Variants in PTCHD4 observed in about 807,000 individuals in gnomAD.
PTCHD4 encodes the protein patched domain containing 4.
A neutral mutation model predicts 58.1 loss-of-function variants in PTCHD4; 33 were observed. The ratio of observed to expected loss-of-function variants is 0.57; its 90% CI spans 0.43 to 0.76. PTCHD4 has a LOEUF of 0.76. PTCHD4 is among the 30% of genes least tolerant of loss of function. The probability of loss-of-function intolerance (pLI) is 0.00; values close to 1 mark genes in which losing one functional copy is unlikely to be tolerated. For missense variants in PTCHD4, 1,058 were observed against 1,027.1 expected, an observed-to-expected ratio of 1.03 and a Z score of -0.41; for synonymous variants, 478 against 409.6, an observed-to-expected ratio of 1.17 and a Z score of -2.02.
At chr6:47,960,961 T>C in intron 4 of PTCHD4, among the ~76,000 whole-genome samples, 1 of 147,392 alleles carries the variant, frequency 6.8e-6, no homozygotes. Flanking sequence ...CCTTTTTTTT[T>C]TAAAAAAAAA....
intron 4 of PTCHD4, among the ~76,000 whole-genome samples, chr6:47,891,907 A>T (rs1396701772): frequency 6.6e-6 from 1 of 152,216 alleles, no homozygotes; most frequent in Non-Finnish European, 1.5e-5. Context: ...TTGCTGATTT[A>T]TAAGTAAGTT....
In PTCHD4 at chr6:47,886,591, G is replaced by A. The variant is rs559165116; in HGVS notation, c.899-6655C>T. 5.7e-4 allele frequency among the ~76,000 whole-genome samples: 87 copies of A among 152,120 alleles called. 2 individuals are homozygous for A. The highest frequency in any genetic ancestry group is 2.0e-3 in the African/African-American group (81 of 41,496). ...CTACACTTTCAATAATTGTGTTTGT[G>A]AAAATCACCCCCGATCGTGACATCC... is the stretch of plus-strand genomic sequence containing the variant. On this transcript the variant is annotated intron_variant, in intron 4 of 4. Coordinates refer to ENST00000339488, the MANE Select transcript of PTCHD4 (RefSeq NM_001384253.1).
intron 3 of PTCHD4, among the ~76,000 whole-genome samples, chr6:48,054,739 A>G (rs2114177080): frequency 6.6e-6 from 1 of 152,318 alleles, no homozygotes. Context: ...GATAAAAAAT[A>G]ACATGCACCC....
intron 4 of PTCHD4, among the ~76,000 whole-genome samples, chr6:47,884,371 T>C (rs920540361): frequency 6.6e-6 from 1 of 152,220 alleles, no homozygotes; most frequent in African/African-American, 2.4e-5. Flanking sequence ...TCTGCTCTCT[T>C]GAAAGAAGCC....
chr6:48,104,304 C>G (rs1765671679), intron 1 of PTCHD4, among the ~76,000 whole-genome samples: 1 of 152,158 alleles, frequency 6.6e-6, no homozygotes, highest in Non-Finnish European at 1.5e-5. Context: ...ATTCAACATT[C>G]TTAAAGAAAA....
Position 48,062,966 on chromosome 6 carries a change from A to G in PTCHD4, c.417+5264T>C, listed in dbSNP as rs369087203. Among the ~76,000 whole-genome samples the G allele has an allele frequency of 1.5e-3, 232 of 152,290 alleles. 4 individuals are homozygous for G. In the South Asian group the frequency reaches 0.044, roughly 29 times the overall value. ...TGACGAGACTTGCCTAATGTCACAC[A>G]ATTGATCCTTAAAGAACTGAGAGTT... On this transcript the variant is annotated intron_variant, in intron 3 of 4. Coordinates refer to ENST00000339488, the MANE Select transcript of PTCHD4 (RefSeq NM_001384253.1).
intron 3 of PTCHD4, among the ~76,000 whole-genome samples, chr6:48,064,721 T>A (rs2113873775): frequency 6.6e-6 from 1 of 152,208 alleles, no homozygotes; most frequent in Non-Finnish European, 1.5e-5. Flanking sequence ...AGTTAATGAC[T>A]ATTTGTTGTG....
intron 4 of PTCHD4, among the ~76,000 whole-genome samples, chr6:47,954,680 T>C (rs1407578179): frequency 6.6e-6 from 1 of 152,160 alleles, no homozygotes; most frequent in African/African-American, 2.4e-5. Flanking sequence ...GTAAAACTGT[T>C]GTAGTATTAG....
intron 1 of PTCHD4, among the ~76,000 whole-genome samples, chr6:48,092,747 C>T (rs1765392494): frequency 6.6e-6 from 1 of 152,140 alleles, no homozygotes. Flanking sequence ...ATACACTGTG[C>T]AAGCAGATAC....
At chr6:48,037,016 T>C (rs985813472) in intron 3 of PTCHD4, among the ~76,000 whole-genome samples, 13 of 152,080 alleles carry the variant, frequency 8.5e-5, no homozygotes, top group Non-Finnish European at 1.5e-4. Context: ...CACCAAGCCA[T>C]TTACTGCAAG....
At position 48,068,873 on chromosome 6, in the gene PTCHD4, G is replaced by C. The variant is rs1014350031; in HGVS notation, c.5+80C>G. ...CGGGCAAATACCGACAGCGCGCGTGGGGGCGGGCGGCGGGCGCCGCGGGGC... is the reference window on the plus strand; with the variant it reads ...CGGGCAAATACCGACAGCGCGCGTGCGGGCGGGCGGCGGGCGCCGCGGGGC... On this transcript the variant is annotated intron_variant, in intron 2 of 4. Transcript: ENST00000339488. The surrounding 1 kb of genome is among the most constrained non-coding windows in gnomAD (Gnocchi z 4.2). Among the ~76,000 whole-genome samples the C allele has an allele frequency of 6.6e-6, 1 of 151,708 alleles. No homozygotes were observed. Among genetic ancestry groups the C allele is most frequent in the Non-Finnish European group, 1.5e-5 (1 of 67,896 alleles).
chr6:48,068,303 G>T lies in PTCHD4; in HGVS notation c.344C>A (p.Ser115Tyr). 1 of 1,612,748 alleles carries T rather than the reference G, an allele frequency of 6.2e-7. No homozygotes were observed. The highest frequency in any genetic ancestry group is 8.5e-7 in the Non-Finnish European group (1 of 1,178,908). ...GAGCAAAATATTGTCCCCGGTTGGG[G>T]AGAGGAGGATCACCCTGCCATACCT... is the stretch of plus-strand genomic sequence containing the variant. ...PGRYGRVILL[S>Y]PTGDNILLQA... is the part of the protein sequence containing the mutation. The change falls in exon 3 of 5, where the codon TCC becomes TAC. Residue 115 changes from serine to tyrosine, a missense_variant. Coordinates refer to ENST00000339488, the MANE Select transcript of PTCHD4 (RefSeq NM_001384253.1). This position sits in a 1 kb window ranked among gnomAD's most constrained non-coding sequence, Gnocchi z 4.2.
At position 47,875,931 on chromosome 6, in the gene PTCHD4, G is replaced by A. The variant is rs368348152; in HGVS notation, c.*2372C>T. Among the ~76,000 whole-genome samples the A allele has an allele frequency of 1.3e-5, 2 of 151,678 alleles. No individual in the cohort carries two copies. The highest frequency in any genetic ancestry group is 4.8e-5 in the African/African-American group (2 of 41,318). Reference sequence around the variant, plus strand: ...AATGAGTGGAGCATGGCACACAATGGGAAGAAAAGGAGTGATAGTTAATTA... The same window carrying A: ...AATGAGTGGAGCATGGCACACAATGAGAAGAAAAGGAGTGATAGTTAATTA... On this transcript the variant is annotated 3_prime_UTR_variant, in exon 5 of 5. Coordinates refer to ENST00000339488, the MANE Select transcript of PTCHD4 (RefSeq NM_001384253.1).
At chr6:48,003,532 G>A (rs1477258975) in intron 4 of PTCHD4, among the ~76,000 whole-genome samples, 1 of 151,918 alleles carries the variant, frequency 6.6e-6, no homozygotes, top group Non-Finnish European at 1.5e-5. Flanking sequence ...CTGCTCCCAC[G>A]CTATTTCACA....
intron 3 of PTCHD4, among the ~76,000 whole-genome samples, chr6:48,015,336 T>C (rs551204264): frequency 6.6e-6 from 1 of 152,066 alleles, no homozygotes; most frequent in East Asian, 1.9e-4. Flanking sequence ...TCCCTACACC[T>C]AAAACCCTCC....
At chr6:47,982,631 G>A (rs1767926367) in intron 4 of PTCHD4, among the ~76,000 whole-genome samples, 1 of 152,118 alleles carries the variant, frequency 6.6e-6, no homozygotes, top group South Asian at 2.1e-4. Context: ...TGGGACTACA[G>A]GCGCCCGCCA....
chr6:48,100,697 C>T (rs1200388129), intron 1 of PTCHD4, among the ~76,000 whole-genome samples: 2 of 152,196 alleles, frequency 1.3e-5, no homozygotes, highest in Non-Finnish European at 2.9e-5. Context: ...TACTCTGATG[C>T]TATTTAAGCC....
At position 47,912,008 on chromosome 6, in the gene PTCHD4, G is replaced by A. The variant is rs1765086339; in HGVS notation, c.899-32072C>T. On this transcript the variant is annotated intron_variant, in intron 4 of 4. Coordinates refer to ENST00000339488, the MANE Select transcript of PTCHD4 (RefSeq NM_001384253.1). ...ATAATTGGAAGAATGTGGCAACAAG[G>A]AGTCAAGTGACACAAGTGTTTCAAG... 2.0e-5 allele frequency among the ~76,000 whole-genome samples: 3 copies of A among 152,086 alleles called. No homozygotes were observed. The South Asian group carries it at 6.2e-4, about 32-fold the overall frequency.
chr6:48,107,330 G>T (rs1454631835), intron 1 of PTCHD4, among the ~76,000 whole-genome samples: 1 of 152,120 alleles, frequency 6.6e-6, no homozygotes, highest in African/African-American at 2.4e-5. Context: ...TGACAAACCT[G>T]ACAAAAACAA....
Sources: allele counts gnomAD v4.1 joint callset (sites outside exome capture counted in the v4.1 genomes callset), GRCh38; gene constraint gnomAD v4.1.1; non-coding constraint Gnocchi (gnomAD v3.1); transcripts MANE v1.5; gene names NCBI Gene and HGNC (gene_info 2026-07-23, HGNC 2026-07-21).